Variants in DCT observed in about 807,000 individuals in gnomAD.
DCT encodes the protein dopachrome tautomerase.
In DCT, 47 loss-of-function variants were observed where a neutral mutation model predicts 53.0. That is an observed-to-expected ratio of 0.89 (90% confidence interval 0.70 to 1.13). The LOEUF (loss-of-function observed/expected upper bound fraction) is 1.13, where lower values mean the gene tolerates loss of function less well. Ranked by LOEUF, DCT falls within the 50% of genes most tolerant of loss-of-function variation. The pLI is 0.00. For synonymous variants in DCT, 244 were observed against 237.0 expected (o/e 1.03, Z -0.27); for missense variants, 669 against 637.4 (o/e 1.05, Z -0.53).
chr13:94,515,906 G>A, the DCT span, among the ~76,000 whole-genome samples: 1 of 152,116 alleles, frequency 6.6e-6, no homozygotes, highest in African/African-American at 2.4e-5. Context: ...TGAACTAGAA[G>A]GACAGATTTG....
chr13:94,477,263 T>G (rs1298133276), intron 1 of DCT, among the ~76,000 whole-genome samples: 1 of 152,016 alleles, frequency 6.6e-6, no homozygotes, highest in Non-Finnish European at 1.5e-5. Flanking sequence ...ACCCAGATAA[T>G]TTTTGTATTT....
At chr13:94,536,068 G>A in the DCT span, among the ~76,000 whole-genome samples, 1 of 152,146 alleles carries the variant, frequency 6.6e-6, no homozygotes, top group Non-Finnish European at 1.5e-5. Context: ...AACTAGCTCA[G>A]AAGCCAGTAA....
At chr13:94,535,272 T>C in the DCT span, among the ~76,000 whole-genome samples, 1 of 152,266 alleles carries the variant, frequency 6.6e-6, no homozygotes, top group Non-Finnish European at 1.5e-5. Context: ...GTATATGGCA[T>C]GTTTGACTAA....
At chr13:94,528,918 T>C in the DCT span, among the ~76,000 whole-genome samples, 1 of 152,140 alleles carries the variant, frequency 6.6e-6, no homozygotes, top group South Asian at 2.1e-4. Flanking sequence ...AAGATGCACA[T>C]AGGCTCAAAA....
intron 6 of DCT, among the ~76,000 whole-genome samples, chr13:94,446,139 A>G (rs1284015649): frequency 6.6e-6 from 1 of 152,210 alleles, no homozygotes; most frequent in Non-Finnish European, 1.5e-5. Flanking sequence ...CAGCCTGTGG[A>G]GCTGATGATC....
chr13:94,525,396 G>A, the DCT span, among the ~76,000 whole-genome samples: 61,321 of 151,878 alleles, frequency 0.4, 13,110 homozygotes, highest in East Asian at 0.62. Flanking sequence ...GGCACCATGC[G>A]TGGCCAAGGT....
intron 4 of DCT, among the ~76,000 whole-genome samples, chr13:94,464,531 T>G (rs1884031485): frequency 6.6e-6 from 1 of 151,942 alleles, no homozygotes; most frequent in African/African-American, 2.4e-5. Flanking sequence ...TCCCGGCTAC[T>G]CAGGAGGCTG....
the DCT span, among the ~76,000 whole-genome samples, chr13:94,508,667 T>C: frequency 0.38 from 57,563 of 151,844 alleles, 11,364 homozygotes; most frequent in East Asian, 0.61. Context: ...AGGGCTGTTC[T>C]GGGAAAGGGG....
intron 1 of DCT, among the ~76,000 whole-genome samples, chr13:94,473,398 A>G (rs1043134211): frequency 6.6e-6 from 1 of 152,216 alleles, no homozygotes; most frequent in Non-Finnish European, 1.5e-5. Context: ...TGTGATGTTC[A>G]TAGATTAGGT....
At chr13:94,524,321 A>G in the DCT span, among the ~76,000 whole-genome samples, 8 of 152,262 alleles carry the variant, frequency 5.3e-5, no homozygotes, top group African/African-American at 1.7e-4. Flanking sequence ...GCCAGGGAGC[A>G]GGCTGTGGCT....
chr13:94,509,460 A>C, the DCT span, among the ~76,000 whole-genome samples: 57,251 of 150,662 alleles, frequency 0.38, 11,354 homozygotes, highest in East Asian at 0.61. Flanking sequence ...ACCATGTGAC[A>C]CATTCTGGCC....
At chr13:94,492,293 G>A in the DCT span, among the ~76,000 whole-genome samples, 2 of 152,192 alleles carry the variant, frequency 1.3e-5, no homozygotes, top group African/African-American at 4.8e-5. Flanking sequence ...TGAATCACAT[G>A]CCCCTCCCTC....
At chr13:94,445,648 C>A (rs2139283211) in intron 6 of DCT, 1 of 987,090 alleles carries the variant, frequency 1.0e-6, no homozygotes, top group African/African-American at 1.6e-5. Context: ...TAATCGTAAT[C>A]TGTTATGCAG....
At chr13:94,471,892 G>C (rs1210711101) in intron 1 of DCT, among the ~76,000 whole-genome samples, 1 of 152,152 alleles carries the variant, frequency 6.6e-6, no homozygotes, top group Admixed American at 6.5e-5. Flanking sequence ...ACCCTGGTTT[G>C]CGGATGTTGC....
At chr13:94,488,403 G>A in the DCT span, among the ~76,000 whole-genome samples, 1 of 151,972 alleles carries the variant, frequency 6.6e-6, no homozygotes, top group Non-Finnish European at 1.5e-5. Context: ...GACTGTTCAG[G>A]GTCTAGAAGG....
chr13:94,491,570 G>A, the DCT span, among the ~76,000 whole-genome samples: 32 of 152,220 alleles, frequency 2.1e-4, 1 homozygote, highest in South Asian at 5.2e-3. Context: ...CGGTGAAACT[G>A]GGCATCAAAA....
upstream of DCT, among the ~76,000 whole-genome samples, chr13:94,480,277 A>G (rs1253980639): frequency 6.6e-6 from 1 of 152,218 alleles, no homozygotes; most frequent in African/African-American, 2.4e-5. Flanking sequence ...ATTTGGAATG[A>G]AGGCTTGCAA....
chr13:94,515,776 G>A, the DCT span, among the ~76,000 whole-genome samples: 52,996 of 152,026 alleles, frequency 0.35, 9,656 homozygotes, highest in East Asian at 0.61. Context: ...ACTGCCTACA[G>A]CACTGTAACA....
intron 1 of DCT, among the ~76,000 whole-genome samples, chr13:94,475,799 T>C (rs1226878665): frequency 6.6e-6 from 1 of 152,262 alleles, no homozygotes; most frequent in Non-Finnish European, 1.5e-5. Flanking sequence ...CCAAACACCA[T>C]ATTGTGCACG....
Sources: allele counts gnomAD v4.1 joint callset (sites outside exome capture counted in the v4.1 genomes callset), GRCh38; gene constraint gnomAD v4.1.1; transcripts MANE v1.5; gene names NCBI Gene and HGNC (gene_info 2026-07-23, HGNC 2026-07-21).